The following SLC20A2 variants were observed in gnomAD, a reference collection of about 807,000 sequenced individuals.
SLC20A2 encodes sodium-dependent phosphate transporter 2.
Under a neutral mutation model 61.0 loss-of-function variants are expected in SLC20A2, and 30 were observed. That is an observed-to-expected ratio of 0.49 (90% CI 0.37 to 0.67). The LOEUF is 0.67. Ranked by LOEUF, SLC20A2 falls within the 30% of genes least tolerant of loss-of-function variation. The pLI, the probability that SLC20A2 is intolerant of heterozygous loss-of-function variation, is 0.00. For missense variants in SLC20A2, 626 were observed against 866.4 expected (o/e 0.72, Z 3.48); for synonymous variants, 351 against 353.3 (o/e 0.99, Z 0.07).
chr8:42,435,274 G>A (rs948946106), intron 8 of SLC20A2, among the ~76,000 whole-genome samples: 11 of 152,200 alleles, frequency 7.2e-5, no homozygotes, highest in Non-Finnish European at 1.3e-4. Flanking sequence ...GCAGCTGCAC[G>A]TGGGGAGGCA....
At chr8:42,434,895 CGTGTGA>C (rs1804132863) in intron 8 of SLC20A2, among the ~76,000 whole-genome samples, 1 of 151,682 alleles carries the variant, frequency 6.6e-6, no homozygotes, top group Non-Finnish European at 1.5e-5. Flanking sequence ...TGTGAGTGTG[CGTGTGA>C]GTGCGCATGT....
upstream of SLC20A2, chr8:42,501,299 G>A (rs1256833521): frequency 1.3e-5 from 2 of 152,206 alleles, no homozygotes; most frequent in East Asian, 1.9e-4. Flanking sequence ...TGGGAAATGC[G>A]GCCAAGGGGC....
intron 2 of SLC20A2, chr8:42,470,921 C>T (rs927651455): frequency 1.4e-5 from 4 of 276,868 alleles, no homozygotes; most frequent in Non-Finnish European, 2.8e-5. Context: ...TGGCAGTGAG[C>T]GGAGATCACA....
intron 1 of SLC20A2, among the ~76,000 whole-genome samples, chr8:42,527,193 C>A (rs1812023923): frequency 6.6e-6 from 1 of 151,106 alleles, no homozygotes. Flanking sequence ...ATCACCAGGT[C>A]AGGAGTGCGA....
chr8:42,466,315 A>C (rs1004534301), intron 2 of SLC20A2, among the ~76,000 whole-genome samples: 3 of 152,110 alleles, frequency 2.0e-5, no homozygotes, highest in African/African-American at 7.2e-5. Flanking sequence ...CGAACCCCTA[A>C]CCTCAAGTGA....
intron 6 of SLC20A2, among the ~76,000 whole-genome samples, chr8:42,444,146 G>C (rs1281983479): frequency 6.6e-6 from 1 of 152,200 alleles, no homozygotes; most frequent in Non-Finnish European, 1.5e-5. Context: ...AGCTAGGAGT[G>C]AAATTACTGG....
At chr8:42,448,416 A>C (rs766890087) in intron 5 of SLC20A2, among the ~76,000 whole-genome samples, 1 of 152,216 alleles carries the variant, frequency 6.6e-6, no homozygotes, top group Non-Finnish European at 1.5e-5. Context: ...AAGAAGGGCT[A>C]CTTGATGGGC....
At chr8:42,535,715 A>G (rs1225144258) in intron 1 of SLC20A2, among the ~76,000 whole-genome samples, 1 of 152,192 alleles carries the variant, frequency 6.6e-6, no homozygotes, top group Non-Finnish European at 1.5e-5. Context: ...TTAAATATAA[A>G]ATACAGGGCT....
At chr8:42,511,398 G>A (rs1309264327) in intron 1 of SLC20A2, among the ~76,000 whole-genome samples, 1 of 152,202 alleles carries the variant, frequency 6.6e-6, no homozygotes, top group Non-Finnish European at 1.5e-5. Context: ...GGAGGCCAAG[G>A]CAGGCGGATC....
intron 1 of SLC20A2, among the ~76,000 whole-genome samples, chr8:42,533,277 C>T (rs1358488868): frequency 2.0e-5 from 3 of 152,236 alleles, no homozygotes; most frequent in Admixed American, 6.5e-5. Flanking sequence ...CATGCACTTA[C>T]GGCAAGTGCT....
chr8:42,477,149 G>C (rs867689180), intron 1 of SLC20A2, among the ~76,000 whole-genome samples: 1 of 152,144 alleles, frequency 6.6e-6, no homozygotes, highest in Non-Finnish European at 1.5e-5. Flanking sequence ...TTTGAATTGC[G>C]GCATGTATAA....
intron 9 of SLC20A2, among the ~76,000 whole-genome samples, chr8:42,429,132 T>C (rs1276239083): frequency 6.6e-6 from 1 of 152,188 alleles, no homozygotes; most frequent in African/African-American, 2.4e-5. Context: ...AGATAGTAAA[T>C]CAGTCATTTC....
intron 2 of SLC20A2, among the ~76,000 whole-genome samples, chr8:42,468,398 G>A (rs1413778062): frequency 6.6e-6 from 1 of 152,150 alleles, no homozygotes; most frequent in Non-Finnish European, 1.5e-5. Context: ...AGGGAAGAAG[G>A]AGGAGAGAGG....
chr8:42,423,522 T>C (rs866670284), intron 10 of SLC20A2, among the ~76,000 whole-genome samples: 1 of 152,144 alleles, frequency 6.6e-6, no homozygotes, highest in Non-Finnish European at 1.5e-5. Context: ...ATTTTTATCA[T>C]GGTCTTCTGA....
intron 8 of SLC20A2, among the ~76,000 whole-genome samples, chr8:42,436,677 A>T (rs1804284265): frequency 6.6e-6 from 1 of 152,020 alleles, no homozygotes; most frequent in Non-Finnish European, 1.5e-5. Flanking sequence ...TCAAGACTGC[A>T]CCTGCCGTCC....
chr8:42,497,137 A>C (rs1182949131), intron 1 of SLC20A2, among the ~76,000 whole-genome samples: 1 of 152,252 alleles, frequency 6.6e-6, no homozygotes, highest in Admixed American at 6.5e-5. Flanking sequence ...AAGTGACAAA[A>C]GGAAATCCAG....
At chr8:42,494,063 A>G (rs1809731309) in intron 1 of SLC20A2, among the ~76,000 whole-genome samples, 1 of 152,188 alleles carries the variant, frequency 6.6e-6, no homozygotes, top group Non-Finnish European at 1.5e-5. Context: ...GGATCGCTCA[A>G]GCTGGGGGAG....
exon 1 of SLC20A2, chr8:42,541,842 C>T (rs1284836497): frequency 2.6e-5 from 4 of 151,674 alleles, no homozygotes; most frequent in African/African-American, 7.3e-5. Flanking sequence ...CCCGTGCGGT[C>T]CCCGAAACTC....
intron 5 of SLC20A2, among the ~76,000 whole-genome samples, chr8:42,445,797 GC>G (rs1805168206): frequency 1.3e-5 from 2 of 152,232 alleles, no homozygotes; most frequent in South Asian, 4.1e-4. Flanking sequence ...GCCCACCTCA[GC>G]CCAGCCCACC....
Sources: gnomAD v4.1 joint callset for allele counts (sites outside exome capture counted in the v4.1 genomes callset) on GRCh38, gnomAD v4.1.1 for gene constraint, MANE v1.5 for transcripts, NCBI Gene and HGNC (gene_info 2026-07-23, HGNC 2026-07-21) for gene names.